CDK17: variants seen among roughly 807,000 people sequenced by gnomAD.
CDK17 encodes the protein cyclin dependent kinase 17, also known as cyclin-dependent kinase 17.
A neutral mutation model predicts 77.6 loss-of-function variants in CDK17; 24 were observed. The observed-to-expected ratio is 0.31, with a 90% CI of 0.22 to 0.44. CDK17 has a LOEUF of 0.44. CDK17 is among the 20% of genes least tolerant of loss of function. The pLI, the probability that CDK17 is intolerant of heterozygous loss-of-function variation, is 1.00. For synonymous variants in CDK17, 203 were observed against 210.4 expected, an observed-to-expected ratio of 0.96 and a Z score of 0.30; for missense variants, 429 against 622.5, an observed-to-expected ratio of 0.69 and a Z score of 3.31.
intron 3 of CDK17, among the ~76,000 whole-genome samples, chr12:96,317,159 T>G (rs1410121491): frequency 6.7e-6 from 1 of 148,500 alleles, no homozygotes. Context: ...ACATGAAGAA[T>G]GCAGAAGCCT....
chr12:96,389,503 T>C (rs1263337501), intron 1 of CDK17, among the ~76,000 whole-genome samples: 1 of 152,136 alleles, frequency 6.6e-6, no homozygotes, highest in African/African-American at 2.4e-5. Flanking sequence ...AAATGATATC[T>C]GGAGAAGGGA....
In CDK17 at chr12:96,280,095, G is replaced by A; in HGVS notation, c.*147C>T. 1.4e-6 allele frequency: 1 copy of A among 712,262 alleles called. No individual in the cohort carries two copies. Among genetic ancestry groups the A allele is most frequent in the Non-Finnish European group, 2.2e-6 (1 of 463,634 alleles). 44.1% of individuals were successfully genotyped at this position (712,262 alleles called of 1,614,324 possible). A position where few individuals can be genotyped will look rare whatever the true frequency, so the allele number is the denominator to read the frequency against. ...ACAACAAATATAAAAACAATCTGTA[G>A]GTCTGAAATAAAAAGACTCCACTGT... On this transcript the variant is annotated 3_prime_UTR_variant, in exon 17 of 17. Transcript: ENST00000261211.
In CDK17 at chr12:96,311,175, A is replaced by T; in HGVS notation, c.420T>A (p.Asp140Glu). The change falls in exon 5 of 17, where the codon GAT (aspartate) becomes GAA (glutamate). Residue 140 changes from aspartate (D) to glutamate (E), a missense_variant and splice_region_variant. Physicochemically the swap from Asp to Glu is conservative, Grantham distance 45. Transcript: ENST00000261211. ...NRIHRRISME[D>E]LNKRLSLPAD... The stretch of plus-strand genomic sequence containing the variant: ...CAGGCAGTGATAACCGCTTATTTAA[A>T]TCCTTAAAAAAAAAAAAAGGTAATC... 1 of 1,529,206 alleles carries T rather than the reference A, an allele frequency of 6.5e-7. No individual in the cohort carries two copies. The highest frequency in any genetic ancestry group is 8.7e-7 in the Non-Finnish European group (1 of 1,151,088). 94.7% of individuals were successfully genotyped at this position (1,529,206 alleles called of 1,614,324 possible). A position where few individuals can be genotyped will look rare whatever the true frequency, so the allele number is the denominator to read the frequency against.
chr12:96,392,607 A>T (rs1954087826), intron 1 of CDK17, among the ~76,000 whole-genome samples: 1 of 152,212 alleles, frequency 6.6e-6, no homozygotes, highest in Admixed American at 6.5e-5. Flanking sequence ...GTAAGAAAGA[A>T]GCTGCCAAAG....
At chr12:96,361,175 A>G (rs1953487621) in intron 1 of CDK17, among the ~76,000 whole-genome samples, 1 of 152,182 alleles carries the variant, frequency 6.6e-6, no homozygotes, top group Non-Finnish European at 1.5e-5. Context: ...GAGGGAGGAA[A>G]TGGCTAGTTG....
Position 96,382,356 on chromosome 12 carries a change from T to TAA in CDK17, c.-30+17628_-30+17629dup, listed in dbSNP as rs34300589. Among the ~76,000 whole-genome samples the TAA allele has an allele frequency of 1.3e-3, 180 of 134,004 alleles. 1 individual carries two copies. Among genetic ancestry groups the TAA allele is most frequent in the East Asian group, 7.0e-3 (33 of 4,728 alleles). The allele number at this position is 134,004 out of a possible 152,430, so 87.9% of individuals were successfully genotyped here. ...CAAGTTCCAAAACTGAATCAGTAAT[T>TAA]AAAAAAAAAAAAAAAAATCCTACCA... On this transcript the variant is annotated intron_variant, in intron 1 of 16. Transcript: ENST00000261211.
intron 4 of CDK17, among the ~76,000 whole-genome samples, chr12:96,312,984 A>G (rs1166736724): frequency 6.6e-6 from 1 of 152,244 alleles, no homozygotes; most frequent in Non-Finnish European, 1.5e-5. Flanking sequence ...TTTTCTAAAA[A>G]GAAGACATTG....
intron 1 of CDK17, among the ~76,000 whole-genome samples, chr12:96,381,097 T>C (rs1320774533): frequency 6.6e-6 from 1 of 152,164 alleles, no homozygotes; most frequent in Non-Finnish European, 1.5e-5. Context: ...TCTTTGGTAA[T>C]AACACAAATA....
rs531929911 is a variant in CDK17, at chr12:96,285,202, A to G, written c.1322+841T>C. On this transcript the variant is annotated intron_variant, in intron 13 of 16. Transcript: ENST00000261211. The stretch of plus-strand genomic sequence containing the variant: ...GACATGCAAAAAAAGCCCAGCAAGT[A>G]TTATTATTCTTCCTAAGAAAATCTA... Among the ~76,000 whole-genome samples, 3 of 152,384 alleles carry G rather than the reference A, an allele frequency of 2.0e-5. No individual in the cohort carries two copies. In the East Asian group the frequency reaches 5.8e-4, roughly 29 times the overall value.
At chr12:96,363,474 G>C (rs894705652) in intron 1 of CDK17, among the ~76,000 whole-genome samples, 2 of 149,350 alleles carry the variant, frequency 1.3e-5, no homozygotes, top group African/African-American at 4.9e-5. Flanking sequence ...AAAAAAATTA[G>C]AGCCCCCTGT....
chr12:96,330,127 A>C lies in CDK17; in HGVS notation c.118+4592T>G, dbSNP rs142023605. 1.2e-3 allele frequency among the ~76,000 whole-genome samples: 180 copies of C among 152,292 alleles called. 1 individual carries two copies. Among genetic ancestry groups the C allele is most frequent in the African/African-American group, 4.2e-3 (175 of 41,550 alleles). On this transcript the variant is annotated intron_variant, in intron 2 of 16. Coordinates refer to ENST00000261211, the MANE Select transcript of CDK17 (RefSeq NM_002595.5). ...TGATTTATTCTCTTCCTCACATTTAAATTGTCACCTATTCTCATCAAATTC... is the reference window on the plus strand; with the variant it reads ...TGATTTATTCTCTTCCTCACATTTACATTGTCACCTATTCTCATCAAATTC...
chr12:96,364,325 A>G (rs1180312448), intron 1 of CDK17, among the ~76,000 whole-genome samples: 1 of 152,218 alleles, frequency 6.6e-6, no homozygotes, highest in Non-Finnish European at 1.5e-5. Flanking sequence ...AACTTTCTAA[A>G]GAATTCCTGG....
In CDK17 at chr12:96,334,874, A is replaced by C. The variant is rs772485536; in HGVS notation, c.-29-9T>G. On this transcript the variant is annotated splice_polypyrimidine_tract_variant and intron_variant, in intron 1 of 16. Coordinates refer to ENST00000261211, the MANE Select transcript of CDK17 (RefSeq NM_002595.5). Reference sequence around the variant, plus strand: ...ATGTGGCTTGAAAAATCCTGAAAGAAAAGAATAAACACAAAACTAAAGCTA... The same window carrying C: ...ATGTGGCTTGAAAAATCCTGAAAGACAAGAATAAACACAAAACTAAAGCTA... 25 of 1,083,482 alleles carry C rather than the reference A, an allele frequency of 2.3e-5. No homozygotes were observed. The highest frequency in any genetic ancestry group is 3.4e-5 in the Non-Finnish European group (24 of 701,018). 67.1% of individuals were successfully genotyped at this position (1,083,482 alleles called of 1,614,324 possible).
rs1276221909 is a variant in CDK17, at chr12:96,297,192, G to A, written c.873+78C>T. On this transcript the variant is annotated intron_variant, in intron 9 of 16. Transcript: ENST00000261211. ...AGAAAACCCTGAAGAAGAGTTATGAGGCTGGTACATTTCATTATATAATGG... is the reference window on the plus strand; with the variant it reads ...AGAAAACCCTGAAGAAGAGTTATGAAGCTGGTACATTTCATTATATAATGG... The A allele has an allele frequency of 4.7e-6, 4 of 850,456 alleles. No homozygotes were observed. In the East Asian group the frequency reaches 7.9e-5, roughly 17 times the overall value. The allele number at this position is 850,456 out of a possible 1,614,324, so 52.7% of individuals were successfully genotyped here. A position where few individuals can be genotyped will look rare whatever the true frequency, so the allele number is the denominator to read the frequency against.
chr12:96,327,216 A>G (rs1304824554), intron 2 of CDK17, among the ~76,000 whole-genome samples: 1 of 152,210 alleles, frequency 6.6e-6, no homozygotes, highest in Non-Finnish European at 1.5e-5. Flanking sequence ...GGGTACAAGT[A>G]TGGGTCCTTT....
At chr12:96,328,437 C>G (rs1303067503) in intron 2 of CDK17, among the ~76,000 whole-genome samples, 5 of 152,094 alleles carry the variant, frequency 3.3e-5, no homozygotes, top group African/African-American at 1.2e-4. Flanking sequence ...CAAAACTGGT[C>G]CCTGATGCCA....
chr12:96,378,148 T>C (rs1191805212), intron 1 of CDK17, among the ~76,000 whole-genome samples: 4 of 152,202 alleles, frequency 2.6e-5, no homozygotes, highest in African/African-American at 9.6e-5. Flanking sequence ...TAGCTCACAC[T>C]TGAAAGGTGG....
intron 5 of CDK17, among the ~76,000 whole-genome samples, chr12:96,301,192 A>G (rs951585608): frequency 6.7e-6 from 1 of 149,526 alleles, no homozygotes; most frequent in Admixed American, 6.8e-5. Flanking sequence ...CAAACATAGA[A>G]GCAGCAATGT....
intron 3 of CDK17, among the ~76,000 whole-genome samples, chr12:96,320,145 C>T (rs1479755135): frequency 6.6e-6 from 1 of 152,064 alleles, no homozygotes; most frequent in Non-Finnish European, 1.5e-5. Context: ...ATTGTACAAG[C>T]ATTCTTATAC....
Sources: allele counts gnomAD v4.1 joint callset (sites outside exome capture counted in the v4.1 genomes callset), GRCh38; gene constraint gnomAD v4.1.1; transcripts MANE v1.5; gene names NCBI Gene and HGNC (gene_info 2026-07-23, HGNC 2026-07-21).